HIVEP1: variants seen among roughly 807,000 people sequenced by gnomAD.
HIVEP1 encodes the protein zinc finger protein 40.
A neutral mutation model predicts 180.0 loss-of-function variants in HIVEP1; 36 were observed. The observed-to-expected ratio is 0.20, with a 90% confidence interval of 0.15 to 0.26. The LOEUF (loss-of-function observed/expected upper bound fraction) is 0.26, where lower values mean the gene tolerates loss of function less well. Ranked by LOEUF, HIVEP1 falls within the 10% of genes least tolerant of loss-of-function variation. HIVEP1 has a pLI of 1.00. For synonymous variants in HIVEP1, 1,239 were observed against 1,239.0 expected, an observed-to-expected ratio of 1.00 and a Z score of 0.00; for missense variants, 3,143 against 3,268.7, an observed-to-expected ratio of 0.96 and a Z score of 0.94.
chr6:12,093,535 G>GT (rs1371449836), intron 3 of HIVEP1, among the ~76,000 whole-genome samples: 1 of 150,880 alleles, frequency 6.6e-6, no homozygotes, highest in African/African-American at 2.4e-5. Flanking sequence ...TCTGGAGTTT[G>GT]TTTTTTTAAA....
the HIVEP1 span, among the ~76,000 whole-genome samples, chr6:12,175,044 A>G: frequency 5.3e-5 from 8 of 152,142 alleles, no homozygotes; most frequent in African/African-American, 1.9e-4. Context: ...TTGTGTCTCT[A>G]ACTGTTGAGT....
intron 7 of HIVEP1, among the ~76,000 whole-genome samples, chr6:12,142,133 A>C (rs113527458): frequency 0.03 from 4,608 of 152,302 alleles, 88 homozygotes; most frequent in Non-Finnish European, 0.046. Flanking sequence ...CATAGTTGGA[A>C]GTAAAGCACT....
At chr6:12,179,856 CTTAT>C in the HIVEP1 span, among the ~76,000 whole-genome samples, 14 of 151,972 alleles carry the variant, frequency 9.2e-5, no homozygotes, top group African/African-American at 3.1e-4. Context: ...TTTATACTTA[CTTAT>C]TTATTATTTA....
chr6:12,065,867 G>A (rs1317947295), intron 2 of HIVEP1, among the ~76,000 whole-genome samples: 1 of 152,098 alleles, frequency 6.6e-6, no homozygotes, highest in African/African-American at 2.4e-5. Context: ...AGCTATTTTT[G>A]GTTTGACTGG....
At chr6:12,049,009 C>G (rs1472459067) in intron 2 of HIVEP1, among the ~76,000 whole-genome samples, 1 of 152,150 alleles carries the variant, frequency 6.6e-6, no homozygotes, top group East Asian at 1.9e-4. Context: ...ATTTTAGATT[C>G]CAAAGTCTAG....
At chr6:12,009,443 T>TAG (rs1399353201), upstream of HIVEP1, among the ~76,000 whole-genome samples, 2 of 152,182 alleles carry the variant, frequency 1.3e-5, no homozygotes, top group Non-Finnish European at 2.9e-5. Flanking sequence ...GATGGAACCA[T>TAG]AGAGAAATGG....
the HIVEP1 span, among the ~76,000 whole-genome samples, chr6:12,209,146 A>AACCATCCACCTCCT: frequency 2.0e-5 from 3 of 152,078 alleles, no homozygotes; most frequent in Non-Finnish European, 2.9e-5. Context: ...CAAAATTACA[A>AACCATCCACCTCCT]ACCATCCACC....
rs1466635774 is a variant in HIVEP1 at position 12,161,544 on chromosome 6, A to G, written c.6593A>G (p.Gln2198Arg). 1.2e-6 allele frequency: 2 copies of G among 1,614,036 alleles called. No homozygotes were observed. Among genetic ancestry groups the G allele is most frequent in the Non-Finnish European group, 1.7e-6 (2 of 1,180,004 alleles). The stretch of plus-strand genomic sequence containing the variant: ...AATGAAGACGATGATGAGGACAGCC[A>G]GGCTGAATCAGTCCTGTCAGCCACA... ...NENEDDDEDSQAESVLSATPS... is the reference protein window; with the variant it reads ...NENEDDDEDSRAESVLSATPS... The change falls in exon 8 of 9, where the codon CAG becomes CGG. Residue 2198 changes from glutamine to arginine, a missense_variant. By Grantham distance (43) the Gln-to-Arg change is conservative (BLOSUM62 1). Around this residue, in one of 12 missense-constraint regions of HIVEP1, gnomAD observed 126 missense variants for 168.5 expected, o/e 0.75. Coordinates refer to ENST00000379388, the MANE Select transcript of HIVEP1 (RefSeq NM_002114.4).
intron 7 of HIVEP1, among the ~76,000 whole-genome samples, chr6:12,151,552 T>C (rs905251627): frequency 5.3e-5 from 8 of 152,248 alleles, no homozygotes; most frequent in African/African-American, 1.9e-4. Context: ...TGATGCATTC[T>C]AATCATATAC....
At chr6:12,065,112 C>G (rs1164951976) in intron 2 of HIVEP1, among the ~76,000 whole-genome samples, 1 of 152,116 alleles carries the variant, frequency 6.6e-6, no homozygotes, top group Non-Finnish European at 1.5e-5. Flanking sequence ...ATTGTATGAA[C>G]TAGGTAAAGG....
At chr6:12,152,882 A>G (rs79884013) in intron 7 of HIVEP1, among the ~76,000 whole-genome samples, 2,033 of 152,320 alleles carry the variant, frequency 0.013, 19 homozygotes, top group Non-Finnish European at 0.023. Context: ...TAATATAATC[A>G]AGGCAAAATC....
the HIVEP1 span, among the ~76,000 whole-genome samples, chr6:12,202,531 T>A: frequency 6.6e-6 from 1 of 152,220 alleles, no homozygotes; most frequent in Admixed American, 6.5e-5. Context: ...CTATTTTAGG[T>A]TGAATCCATT....
At position 12,120,358 on chromosome 6, in the gene HIVEP1, C is replaced by T. The variant is rs555921272; in HGVS notation, c.563C>T (p.Ser188Phe). The T allele has an allele frequency of 8.1e-6, 13 of 1,614,052 alleles. No homozygotes were observed. The East Asian group carries it at 2.9e-4, about 36-fold the overall frequency. Residue 188 changes from serine to phenylalanine, a missense_variant, in exon 4 of 9, where the codon TCC becomes TTC. Physicochemically the swap from Ser to Phe is radical, Grantham distance 155. Coordinates refer to ENST00000379388, the MANE Select transcript of HIVEP1 (RefSeq NM_002114.4). ...ECISSHCGTT[S>F]PSYTNTAFDV... ...ATCTCTTCTCATTGTGGCACTACGTCCCCCTCCTATACAAACACTGCATTC... is the reference window on the plus strand; with the variant it reads ...ATCTCTTCTCATTGTGGCACTACGTTCCCCTCCTATACAAACACTGCATTC...
the HIVEP1 span, among the ~76,000 whole-genome samples, chr6:12,203,439 A>G: frequency 1.3e-5 from 2 of 152,014 alleles, no homozygotes; most frequent in African/African-American, 2.4e-5. Context: ...AGTTTGGCCT[A>G]TTTTTCTTTG....
chr6:12,099,074 T>G (rs1175907259), intron 3 of HIVEP1, among the ~76,000 whole-genome samples: 1 of 152,100 alleles, frequency 6.6e-6, no homozygotes, highest in Non-Finnish European at 1.5e-5. Context: ...GTAACATTCA[T>G]GCATGGCCTG....
intron 3 of HIVEP1, among the ~76,000 whole-genome samples, chr6:12,117,491 C>T (rs1008884343): frequency 7.2e-5 from 11 of 152,146 alleles, no homozygotes; most frequent in Admixed American, 1.3e-4. Flanking sequence ...ATCTTAACTT[C>T]AATGTCATTT....
intron 2 of HIVEP1, among the ~76,000 whole-genome samples, chr6:12,081,668 T>C (rs10498679): frequency 0.05 from 7,664 of 152,228 alleles, 205 homozygotes; most frequent in South Asian, 0.1. Context: ...TCTTCTTTTA[T>C]TGGCTCCTCC....
At chr6:12,086,691 G>A (rs906575478) in intron 2 of HIVEP1, among the ~76,000 whole-genome samples, 1 of 152,074 alleles carries the variant, frequency 6.6e-6, no homozygotes, top group Non-Finnish European at 1.5e-5. Context: ...CTAGCAGGCA[G>A]CCCTGAAATT....
chr6:12,107,545 T>A (rs1466672304), intron 3 of HIVEP1, among the ~76,000 whole-genome samples: 1 of 152,100 alleles, frequency 6.6e-6, no homozygotes, highest in Non-Finnish European at 1.5e-5. Flanking sequence ...GTGTTACAGT[T>A]CTTAAAGGCA....
Sources: gnomAD v4.1 joint callset for allele counts (sites outside exome capture counted in the v4.1 genomes callset) on GRCh38, gnomAD v4.1.1 for gene constraint, gnomAD v4.1.1 regional missense constraint, MANE v1.5 for transcripts, NCBI Gene and HGNC (gene_info 2026-07-23, HGNC 2026-07-21) for gene names.